Variants in MACROD2 observed in about 807,000 individuals in gnomAD.
MACROD2 encodes ADP-ribose glycohydrolase MACROD2.
MACROD2 carries 36 observed loss-of-function variants against 70.4 expected under a neutral mutation model. The ratio of observed to expected loss-of-function variants is 0.51; its 90% CI spans 0.39 to 0.68. The LOEUF (loss-of-function observed/expected upper bound fraction) is 0.68. Ranked by LOEUF, MACROD2 falls within the 30% of genes least tolerant of loss-of-function variation. The pLI is 0.00. For missense variants in MACROD2, 496 were observed against 538.4 expected (o/e 0.92, Z 0.78); for synonymous variants, 172 against 178.8 (o/e 0.96, Z 0.30).
intron 8 of MACROD2, among the ~76,000 whole-genome samples, chr20:15,638,568 G>A (rs1237280215): frequency 1.3e-5 from 2 of 152,190 alleles, no homozygotes; most frequent in African/African-American, 4.8e-5. Context: ...GTGGGCACTG[G>A]CCTGCCTTTG....
intron 3 of MACROD2, among the ~76,000 whole-genome samples, chr20:14,159,597 A>G (rs1257539793): frequency 6.6e-6 from 1 of 152,138 alleles, no homozygotes; most frequent in African/African-American, 2.4e-5. Flanking sequence ...TACTGAAATT[A>G]TTTATCAGGT....
At chr20:14,390,964 C>A (rs2083520214) in intron 3 of MACROD2, among the ~76,000 whole-genome samples, 1 of 150,848 alleles carries the variant, frequency 6.6e-6, no homozygotes, top group Non-Finnish European at 1.5e-5. Context: ...ATTAAAAGGG[C>A]AGAAAACAAC....
intron 6 of MACROD2, among the ~76,000 whole-genome samples, chr20:15,274,728 T>C (rs11907455): frequency 0.17 from 26,485 of 152,238 alleles, 2,406 homozygotes; most frequent in Non-Finnish European, 0.2. Context: ...CGTCCTTGAC[T>C]TCATTGAGCT....
chr20:15,915,143 T>C (rs369317440), intron 10 of MACROD2, among the ~76,000 whole-genome samples: 4 of 152,160 alleles, frequency 2.6e-5, no homozygotes. Context: ...GACATTGGCA[T>C]GATTGATGAA....
At chr20:14,298,822 T>C (rs919367599) in intron 3 of MACROD2, among the ~76,000 whole-genome samples, 5 of 152,066 alleles carry the variant, frequency 3.3e-5, no homozygotes, top group African/African-American at 9.7e-5. Context: ...ACTGAAGATA[T>C]GGTGGAAATA....
intron 8 of MACROD2, among the ~76,000 whole-genome samples, chr20:15,750,904 T>C (rs577789227): frequency 2.6e-5 from 4 of 151,642 alleles, no homozygotes; most frequent in Admixed American, 2.6e-4. Context: ...ACAGAAAATA[T>C]TTTAAGAGGT....
At chr20:14,449,098 T>G (rs1211288829) in intron 3 of MACROD2, among the ~76,000 whole-genome samples, 1 of 152,040 alleles carries the variant, frequency 6.6e-6, no homozygotes, top group Non-Finnish European at 1.5e-5. Flanking sequence ...GGCCATTAGC[T>G]TGCTTTAACT....
chr20:14,623,801 G>A lies in MACROD2; in HGVS notation c.302-61042G>A, dbSNP rs558922545. Among the ~76,000 whole-genome samples, 151 of 152,246 alleles carry A rather than the reference G, an allele frequency of 9.9e-4. 1 individual carries two copies. Among genetic ancestry groups the A allele is most frequent in the South Asian group, 4.1e-4 (2 of 4,828 alleles). ...AGAAAATGGTGATGAGCATAAGTCT[G>A]GCCCCTACAAAAAACATATAAATTC... On this transcript the variant is annotated intron_variant, in intron 4 of 17. Coordinates refer to ENST00000684519, the MANE Select transcript of MACROD2 (RefSeq NM_001351661.2).
At chr20:14,746,867 A>G (rs534023103) in intron 5 of MACROD2, among the ~76,000 whole-genome samples, 8 of 152,186 alleles carry the variant, frequency 5.3e-5, no homozygotes, top group African/African-American at 7.2e-5. Context: ...GGTTAATTCA[A>G]TTGAATTTCC....
At chr20:15,631,567 G>T (rs2049291063) in intron 8 of MACROD2, among the ~76,000 whole-genome samples, 1 of 152,146 alleles carries the variant, frequency 6.6e-6, no homozygotes, top group Non-Finnish European at 1.5e-5. Flanking sequence ...CTGGAGGTGG[G>T]GAGAAGGAAT....
At chr20:14,622,258 C>A (rs913295886) in intron 4 of MACROD2, among the ~76,000 whole-genome samples, 3 of 151,946 alleles carry the variant, frequency 2.0e-5, no homozygotes, top group Non-Finnish European at 4.4e-5. Flanking sequence ...AGAAAGAAGT[C>A]CATATGCACT....
intron 8 of MACROD2, among the ~76,000 whole-genome samples, chr20:15,514,820 A>C (rs1399520001): frequency 6.6e-6 from 1 of 152,246 alleles, no homozygotes; most frequent in Non-Finnish European, 1.5e-5. Context: ...TACAGCAAAT[A>C]AATGGCAGTT....
rs370544801 is a variant in MACROD2, at chr20:15,251,941, A to G, written c.540+21880A>G. Among the ~76,000 whole-genome samples, 12 of 152,212 alleles carry G rather than the reference A, an allele frequency of 7.9e-5. No individual in the cohort carries two copies. In the East Asian group the frequency reaches 1.7e-3, roughly 22 times the overall value. On this transcript the variant is annotated intron_variant, in intron 6 of 17. Coordinates refer to ENST00000684519, the MANE Select transcript of MACROD2 (RefSeq NM_001351661.2). ...AAGCTGAGGGAGTTATATTAAGAAGACAGTAGAAAATAAAAATAATTAGCT... is the reference window on the plus strand; with the variant it reads ...AAGCTGAGGGAGTTATATTAAGAAGGCAGTAGAAAATAAAAATAATTAGCT...
intron 17 of MACROD2, among the ~76,000 whole-genome samples, chr20:16,047,112 C>T (rs2067393790): frequency 1.3e-5 from 2 of 152,292 alleles, no homozygotes; most frequent in South Asian, 4.1e-4. Context: ...AGTTTCTGGA[C>T]ACAGTTGTCA....
At chr20:15,089,516 C>A (rs751706355) in intron 5 of MACROD2, among the ~76,000 whole-genome samples, 7 of 152,116 alleles carry the variant, frequency 4.6e-5, no homozygotes, top group Admixed American at 4.6e-4. Context: ...CATGTCAACT[C>A]TTTTATCTGA....
At chr20:14,285,243 C>T (rs1030984028) in intron 3 of MACROD2, among the ~76,000 whole-genome samples, 1 of 152,174 alleles carries the variant, frequency 6.6e-6, no homozygotes, top group Non-Finnish European at 1.5e-5. Context: ...CAAGTCTAAA[C>T]ACTTAATTCA....
intron 3 of MACROD2, among the ~76,000 whole-genome samples, chr20:14,301,758 G>T (rs2082477031): frequency 6.6e-6 from 1 of 151,940 alleles, no homozygotes; most frequent in African/African-American, 2.4e-5. Context: ...AAAATGTCTT[G>T]ATGTTATTGA....
chr20:15,460,442 T>C (rs2146412258), intron 7 of MACROD2, among the ~76,000 whole-genome samples: 1 of 152,258 alleles, frequency 6.6e-6, no homozygotes, highest in East Asian at 1.9e-4. Context: ...GAGGTCTTGG[T>C]CCCAGCTCCT....
intron 6 of MACROD2, among the ~76,000 whole-genome samples, chr20:15,376,046 T>TC (rs1406228206): frequency 6.6e-6 from 1 of 152,162 alleles, no homozygotes; most frequent in Non-Finnish European, 1.5e-5. Flanking sequence ...GGCCATGTGG[T>TC]CCATGTTTAC....
Sources: gnomAD v4.1 joint callset for allele counts (sites outside exome capture counted in the v4.1 genomes callset) on GRCh38, gnomAD v4.1.1 for gene constraint, MANE v1.5 for transcripts, NCBI Gene and HGNC (gene_info 2026-07-23, HGNC 2026-07-21) for gene names.